Variants in CLVS1 observed in about 807,000 individuals in gnomAD.
The protein encoded by CLVS1 is clavesin 1.
CLVS1 carries 10 observed loss-of-function variants against 33.1 expected under a neutral mutation model. That is an observed-to-expected ratio of 0.30 (90% CI 0.19 to 0.51). The LOEUF is 0.51. Among genes scored for constraint, CLVS1 ranks in the 20% least tolerant of loss-of-function variants. The probability of loss-of-function intolerance (pLI) is 0.97; values close to 1 mark genes in which losing one functional copy is unlikely to be tolerated. For synonymous variants in CLVS1, 163 were observed against 166.1 expected (o/e 0.98, Z 0.14); for missense variants, 343 against 433.4 (o/e 0.79, Z 1.85).
At chr8:61,192,997 T>A (rs1369063796) in intron 2 of CLVS1, among the ~76,000 whole-genome samples, 1 of 152,208 alleles carries the variant, frequency 6.6e-6, no homozygotes, top group African/African-American at 2.4e-5. Context: ...AAATACCATT[T>A]GACCCAGCCA....
intron 3 of CLVS1, among the ~76,000 whole-genome samples, chr8:61,397,817 T>A (rs1307985449): frequency 6.6e-6 from 1 of 152,196 alleles, no homozygotes; most frequent in Non-Finnish European, 1.5e-5. Flanking sequence ...ACCATAAATG[T>A]AAGGGTTTAT....
chr8:60,993,321 C>T, the CLVS1 span, among the ~76,000 whole-genome samples: 2 of 152,164 alleles, frequency 1.3e-5, no homozygotes, highest in Non-Finnish European at 2.9e-5. Flanking sequence ...TGTGGAATGG[C>T]TCTATGCTTC....
intron 2 of CLVS1, among the ~76,000 whole-genome samples, chr8:61,176,440 G>A (rs1200319661): frequency 6.6e-6 from 1 of 152,090 alleles, no homozygotes; most frequent in African/African-American, 2.4e-5. Context: ...TCCAGTCCAA[G>A]TTACTCTTGT....
At chr8:61,393,199 C>T (rs903326311) in intron 3 of CLVS1, among the ~76,000 whole-genome samples, 2 of 152,054 alleles carry the variant, frequency 1.3e-5, no homozygotes, top group African/African-American at 4.8e-5. Context: ...ATTGTTGAAA[C>T]TTTCGAGTGT....
chr8:61,496,461 T>A (rs1804270606), intron 5 of CLVS1, among the ~76,000 whole-genome samples: 1 of 152,014 alleles, frequency 6.6e-6, no homozygotes, highest in African/African-American at 2.4e-5. Flanking sequence ...AACCTACACT[T>A]CTCCCTTCCC....
chr8:61,148,849 G>A (rs907624177), intron 2 of CLVS1, among the ~76,000 whole-genome samples: 4 of 152,190 alleles, frequency 2.6e-5, no homozygotes, highest in Admixed American at 6.5e-5. Context: ...GCCGACACAT[G>A]TGTACGTGTG....
chr8:61,131,856 A>G (rs145373424), exon 2 of CLVS1: 102 of 152,348 alleles, frequency 6.7e-4, no homozygotes, highest in African/African-American at 2.4e-3. Flanking sequence ...TCAGCCAGGA[A>G]AAAGGTGAGT....
At chr8:61,391,713 GA>G (rs1814312543) in intron 3 of CLVS1, among the ~76,000 whole-genome samples, 1 of 152,152 alleles carries the variant, frequency 6.6e-6, no homozygotes, top group Non-Finnish European at 1.5e-5. Context: ...GGATTTGGAA[GA>G]AATTATGAAT....
intron 1 of CLVS1, among the ~76,000 whole-genome samples, chr8:61,091,116 G>A (rs769310076): frequency 6.6e-6 from 1 of 152,206 alleles, no homozygotes. Context: ...GGGTTATCGA[G>A]GTGGGCCTGA....
At chr8:61,140,280 C>T (rs1022242036) in intron 2 of CLVS1, among the ~76,000 whole-genome samples, 1 of 152,190 alleles carries the variant, frequency 6.6e-6, no homozygotes. Context: ...ATTGTTTCCT[C>T]TGGATGGTTA....
At chr8:61,265,780 G>A (rs1809291778) in intron 2 of CLVS1, among the ~76,000 whole-genome samples, 1 of 152,142 alleles carries the variant, frequency 6.6e-6, no homozygotes, top group Admixed American at 6.5e-5. Flanking sequence ...GGCCTGCTGG[G>A]CCACAGCCAC....
intron 3 of CLVS1, among the ~76,000 whole-genome samples, chr8:61,394,755 G>A (rs551761448): frequency 6.6e-6 from 1 of 152,234 alleles, no homozygotes; most frequent in East Asian, 1.9e-4. Context: ...TTGAGGAACT[G>A]TCATACTCTT....
At chr8:61,265,073 G>A (rs548248498) in intron 2 of CLVS1, among the ~76,000 whole-genome samples, 3 of 152,066 alleles carry the variant, frequency 2.0e-5, no homozygotes, top group Non-Finnish European at 4.4e-5. Context: ...GGTCCATAAG[G>A]GGAGGTCCTG....
At chr8:61,273,355 TC>T (rs1809488855) in intron 2 of CLVS1, among the ~76,000 whole-genome samples, 1 of 152,182 alleles carries the variant, frequency 6.6e-6, no homozygotes, top group Non-Finnish European at 1.5e-5. Flanking sequence ...CGTTCTCAGA[TC>T]TCCAGCTGCG....
intron 5 of CLVS1, among the ~76,000 whole-genome samples, chr8:61,466,248 G>A (rs567824701): frequency 6.6e-6 from 1 of 152,324 alleles, no homozygotes; most frequent in South Asian, 2.1e-4. Flanking sequence ...TTTCACAGGA[G>A]ACATCTTGAA....
chr8:61,190,622 T>C (rs1050290922), intron 2 of CLVS1, among the ~76,000 whole-genome samples: 1 of 151,862 alleles, frequency 6.6e-6, no homozygotes, highest in African/African-American at 2.4e-5. Flanking sequence ...TTGATAGACC[T>C]CTAGCAAGAC....
intron 3 of CLVS1, among the ~76,000 whole-genome samples, chr8:61,445,246 A>G (rs190215446): frequency 1.2e-3 from 186 of 152,220 alleles, no homozygotes; most frequent in Non-Finnish European, 2.2e-3. Context: ...ATTGATCTAT[A>G]ATTTTATTGT....
the CLVS1 span, among the ~76,000 whole-genome samples, chr8:60,979,918 A>G: frequency 6.6e-6 from 1 of 152,230 alleles, no homozygotes; most frequent in Admixed American, 6.5e-5. Flanking sequence ...TGTTCTAATC[A>G]CTATCAGGTC....
At chr8:61,237,320 T>C (rs1318173331) in intron 2 of CLVS1, among the ~76,000 whole-genome samples, 3 of 152,084 alleles carry the variant, frequency 2.0e-5, no homozygotes, top group East Asian at 1.9e-4. Context: ...TGGTGGTACG[T>C]ACCTGTAGTC....
Sources: allele counts gnomAD v4.1 joint callset (sites outside exome capture counted in the v4.1 genomes callset), GRCh38; gene constraint gnomAD v4.1.1; transcripts MANE v1.5; gene names NCBI Gene and HGNC (gene_info 2026-07-23, HGNC 2026-07-21).